Variants in BTN2A1 observed in about 807,000 individuals in gnomAD.
BTN2A1 encodes the protein butyrophilin, subfamily 2, member A1.
In BTN2A1, 41 loss-of-function variants were observed where a neutral mutation model predicts 34.5. That is an observed-to-expected ratio of 1.19 (90% CI 0.93 to 1.54). The LOEUF is 1.54. BTN2A1 is among the 40% of genes most tolerant of loss of function. The pLI is 0.00. For missense variants in BTN2A1, 642 were observed against 662.0 expected, an observed-to-expected ratio of 0.97 and a Z score of 0.33; for synonymous variants, 267 against 258.6, an observed-to-expected ratio of 1.03 and a Z score of -0.31.
chr6:26,470,357 G>A (rs1225317206), downstream of BTN2A1, among the ~76,000 whole-genome samples: 1 of 151,848 alleles, frequency 6.6e-6, no homozygotes, highest in Non-Finnish European at 1.5e-5. Context: ...CAAACAAAGA[G>A]GGGGAGGGAA....
chr6:26,467,309 GGTTTT>G (rs911245036), intron 7 of BTN2A1, among the ~76,000 whole-genome samples: 12 of 152,010 alleles, frequency 7.9e-5, no homozygotes, highest in Non-Finnish European at 1.5e-4. Context: ...CTTCATTTGG[GGTTTT>G]GTTTTGTTTT....
In BTN2A1 at chr6:26,463,348, A is replaced by G. The variant is rs1478024306; in HGVS notation, c.535A>G (p.Arg179Gly). 7 of 1,613,964 alleles carry G rather than the reference A, an allele frequency of 4.3e-6. No homozygotes were observed. Among genetic ancestry groups the G allele is most frequent in the Non-Finnish European group, 5.9e-6 (7 of 1,179,972 alleles). The change falls in exon 4 of 8, where the codon AGG (arginine) becomes GGG (glycine). Residue 179 changes from arginine (R) to glycine (G), a missense_variant. Arg to Gly is a moderately radical substitution (Grantham distance 125). Transcript: ENST00000312541. ...GTACCCAAAGCCCCTCACAGTGTGG[A>G]GGGACCCCTACGGTGGGGTTGCGCC... ...GWYPKPLTVWRDPYGGVAPAL... is the reference protein window; with the variant it reads ...GWYPKPLTVWGDPYGGVAPAL...
At chr6:26,475,645 C>T (rs1193354738) in intron 7 of BTN2A1, among the ~76,000 whole-genome samples, 1 of 152,032 alleles carries the variant, frequency 6.6e-6, no homozygotes, top group African/African-American at 2.4e-5. Flanking sequence ...TAGTGGCTCA[C>T]GCCTGTAATT....
chr6:26,476,289 C>A, exon 8 of BTN2A1: 2 of 957,086 alleles, frequency 2.1e-6, no homozygotes, highest in Non-Finnish European at 3.3e-6. Context: ...TCTGTAGAGC[C>A]CATCGCTCTC....
chr6:26,459,374 T>A, intron 2 of BTN2A1, 107 bp from the exon 3 acceptor site: 1 of 1,277,350 alleles, frequency 7.8e-7, no homozygotes, highest in Non-Finnish European at 1.1e-6. Context: ...AAAGAGACCC[T>A]ATGGCCATGG....
At chr6:26,469,849 CA>C (rs1763418394), downstream of BTN2A1, among the ~76,000 whole-genome samples, 1 of 152,078 alleles carries the variant, frequency 6.6e-6, no homozygotes, top group Non-Finnish European at 1.5e-5. Flanking sequence ...CCCCTTAAAA[CA>C]GTTCTGGTTA....
rs1327399275 is a variant in BTN2A1 at position 26,463,673 on chromosome 6, C to G, written c.712+148C>G. ...AGGCTGCAGCTGAGTGAAGCCTTTCCGCTTCTCACAAAAGGAGAATCAAAG... is the reference window on the plus strand; with the variant it reads ...AGGCTGCAGCTGAGTGAAGCCTTTCGGCTTCTCACAAAAGGAGAATCAAAG... On this transcript the variant is annotated intron_variant, in intron 4 of 7. Coordinates refer to ENST00000312541, the MANE Select transcript of BTN2A1 (RefSeq NM_007049.5). The G allele has an allele frequency of 5.3e-6, 5 of 949,628 alleles. No homozygotes were observed. The East Asian group carries it at 9.8e-5, about 19-fold the overall frequency. The allele number at this position is 949,628 out of a possible 1,614,324, so 58.8% of individuals were successfully genotyped here.
In BTN2A1 at chr6:26,468,845, C is replaced by T; in HGVS notation, c.*296C>T. 1 of 1,504,094 alleles carries T rather than the reference C, an allele frequency of 6.6e-7. No homozygotes were observed. Among genetic ancestry groups the T allele is most frequent in the Non-Finnish European group, 8.9e-7 (1 of 1,117,760 alleles). The allele number at this position is 1,504,094 out of a possible 1,614,324, so 93.2% of individuals were successfully genotyped here. A position where few individuals can be genotyped will look rare whatever the true frequency, so the allele number is the denominator to read the frequency against. The stretch of plus-strand genomic sequence containing the variant: ...GTGTGAGAAGTTGATGGGCAGCAAA[C>T]CTGCTGTTTAACATCAGGGTGACCA... On this transcript the variant is annotated 3_prime_UTR_variant, in exon 8 of 8. Coordinates refer to ENST00000312541, the MANE Select transcript of BTN2A1 (RefSeq NM_007049.5).
At chr6:26,458,470 C>G (rs2393662) in intron 1 of BTN2A1, 137 bp from the exon 2 acceptor site, 4 of 695,622 alleles carry the variant, frequency 5.8e-6, no homozygotes, top group Non-Finnish European at 7.7e-6. Context: ...TCTCTCGGGA[C>G]ATACCTGAGC....
chr6:26,475,863 G>A (rs1024941897), intron 7 of BTN2A1, among the ~76,000 whole-genome samples: 2 of 152,076 alleles, frequency 1.3e-5, no homozygotes, highest in African/African-American at 4.8e-5. Flanking sequence ...AGGATAATGG[G>A]GGAGGATGGT....
chr6:26,468,418 A>C lies in BTN2A1; in HGVS notation c.1453A>C (p.Arg485=), dbSNP rs532321570. The change falls in exon 8 of 8, where the codon AGG becomes CGG. Residue 485 remains arginine (R), a synonymous_variant. Coordinates refer to ENST00000312541, the MANE Select transcript of BTN2A1 (RefSeq NM_007049.5). ...CCGTTCAGCCTTTTCCGTGCCTGTG[A>C]GGCCCTTCTTCAGGTTGGGGTGTGA... The part of the protein sequence containing the change: ...CPRSAFSVPV[R]PFFRLGCEDS... 1 of 1,614,140 alleles carries C rather than the reference A, an allele frequency of 6.2e-7. No homozygotes were observed. The highest frequency in any genetic ancestry group is 1.3e-5 in the African/African-American group (1 of 75,034).
In BTN2A1 at chr6:26,469,150, T is replaced by C; in HGVS notation, c.*601T>C. 9.3e-7 allele frequency: 1 copy of C among 1,074,700 alleles called. No homozygotes were observed. The highest frequency in any genetic ancestry group is 1.1e-6 in the Non-Finnish European group (1 of 883,360). The allele number at this position is 1,074,700 out of a possible 1,614,324, so 66.6% of individuals were successfully genotyped here. A position where few individuals can be genotyped will look rare whatever the true frequency, so the allele number is the denominator to read the frequency against. ...TTTCCAGAGCGCACATCCACAGGCC[T>C]GGACCTGGGATGAAGATGAATGAAG... On this transcript the variant is annotated 3_prime_UTR_variant, in exon 8 of 8. Coordinates refer to ENST00000312541, the MANE Select transcript of BTN2A1 (RefSeq NM_007049.5).
chr6:26,462,389 G>A (rs935507709), intron 3 of BTN2A1, among the ~76,000 whole-genome samples: 18 of 152,230 alleles, frequency 1.2e-4, no homozygotes, highest in Middle Eastern at 6.8e-3. Context: ...ACCCAGCCTG[G>A]GCAACATGTT....
downstream of BTN2A1, among the ~76,000 whole-genome samples, chr6:26,471,502 TG>T (rs1763450046): frequency 6.6e-6 from 1 of 152,134 alleles, no homozygotes; most frequent in African/African-American, 2.4e-5. Flanking sequence ...CCAAGGCAGG[TG>T]GATCACTTAA....
rs778433612 is a variant in BTN2A1, at chr6:26,467,936, CT to C, written c.983-10del. Reference sequence around the variant, plus strand: ...TGAGACCCCAGGCCTAAACCTGAGACTTCCTCTGCAGTTGATGTGGTCCTGG... The same window carrying C: ...TGAGACCCCAGGCCTAAACCTGAGACTCCTCTGCAGTTGATGTGGTCCTGG... On this transcript the variant is annotated splice_polypyrimidine_tract_variant and intron_variant, in intron 7 of 7. Coordinates refer to ENST00000312541, the MANE Select transcript of BTN2A1 (RefSeq NM_007049.5). 1.4e-5 allele frequency: 23 copies of C among 1,607,584 alleles called. No homozygotes were observed. The highest frequency in any genetic ancestry group is 2.0e-5 in the Non-Finnish European group (23 of 1,175,528).
intron 7 of BTN2A1, among the ~76,000 whole-genome samples, chr6:26,475,378 C>T (rs569727402): frequency 6.6e-6 from 1 of 152,232 alleles, no homozygotes; most frequent in African/African-American, 2.4e-5. Context: ...CACCTACTTG[C>T]CTTAATCACC....
chr6:26,468,964 C>T lies in BTN2A1; in HGVS notation c.*415C>T, dbSNP rs1370968062. 6 of 1,207,312 alleles carry T rather than the reference C, an allele frequency of 5.0e-6. No homozygotes were observed. The East Asian group carries it at 2.2e-4, about 45-fold the overall frequency. 74.8% of individuals were successfully genotyped at this position (1,207,312 alleles called of 1,614,324 possible). A position where few individuals can be genotyped will look rare whatever the true frequency, so the allele number is the denominator to read the frequency against. On this transcript the variant is annotated 3_prime_UTR_variant, in exon 8 of 8. Transcript: ENST00000312541. Reference sequence around the variant, plus strand: ...GGATGTAAGAGGAGAGAGGAATCCACAGGACCACCAGAGAGGAGAGGGAAC... The same window carrying T: ...GGATGTAAGAGGAGAGAGGAATCCATAGGACCACCAGAGAGGAGAGGGAAC...
Position 26,458,656 on chromosome 6 carries a change from T to G in BTN2A1, c.20T>G (p.Leu7Arg). The G allele has an allele frequency of 6.2e-7, 1 of 1,614,088 alleles. No individual in the cohort carries two copies. ...GTGCTCATGGAATCAGCTGCTGCCCTGCACTTCTCCCGGCCAGCCTCCCTC... is the reference window on the plus strand; with the variant it reads ...GTGCTCATGGAATCAGCTGCTGCCCGGCACTTCTCCCGGCCAGCCTCCCTC... MESAAA[L>R]HFSRPASLLL... Residue 7 changes from leucine (L) to arginine (R), a missense_variant, in exon 2 of 8, where the codon CTG becomes CGG. Physicochemically the swap from Leu to Arg is moderately radical, Grantham distance 102. Transcript: ENST00000312541.
In BTN2A1 at chr6:26,460,771, T is replaced by C. The variant is rs2393666; in HGVS notation, c.430+943T>C. Among the ~76,000 whole-genome samples, 641 of 152,070 alleles carry C rather than the reference T, an allele frequency of 4.2e-3. 7 individuals carry two copies. Among genetic ancestry groups the C allele is most frequent in the African/African-American group, 0.015 (618 of 41,478 alleles). ...AAAAATACAGAAACATTAGCCAGGC[T>C]TTGTGGAGTGTGCCTGTAATCTGAG... is the stretch of plus-strand genomic sequence containing the variant. On this transcript the variant is annotated intron_variant, in intron 3 of 7. Coordinates refer to ENST00000312541, the MANE Select transcript of BTN2A1 (RefSeq NM_007049.5).
Sources: gnomAD v4.1 joint callset for allele counts (sites outside exome capture counted in the v4.1 genomes callset) on GRCh38, gnomAD v4.1.1 for gene constraint, MANE v1.5 for transcripts, NCBI Gene and HGNC (gene_info 2026-07-23, HGNC 2026-07-21) for gene names.